Variants in NT5DC4 observed in about 807,000 individuals in gnomAD.
The protein encoded by NT5DC4 is 5'-nucleotidase domain containing 4.
NT5DC4 carries 44 observed loss-of-function variants against 26.6 expected under a neutral mutation model. That is an observed-to-expected ratio of 1.65 (90% CI 1.30 to 2.13). NT5DC4 has a LOEUF of 2.13. NT5DC4 is among the 30% of genes most tolerant of loss of function. NT5DC4 has a pLI of 0.00. For synonymous variants in NT5DC4, 157 were observed against 86.7 expected (o/e 1.81, Z -4.51); for missense variants, 399 against 228.1 (o/e 1.75, Z -4.83).
chr2:112,720,275 C>T (rs956191683), upstream of NT5DC4, among the ~76,000 whole-genome samples: 1 of 151,200 alleles, frequency 6.6e-6, no homozygotes, highest in Non-Finnish European at 1.5e-5. Context: ...CCATCTTGGC[C>T]AGGCTGGTCT....
downstream of NT5DC4, among the ~76,000 whole-genome samples, chr2:112,741,534 C>T (rs1214240734): frequency 6.6e-6 from 1 of 152,204 alleles, no homozygotes; most frequent in Non-Finnish European, 1.5e-5. Flanking sequence ...CAGACTGTGC[C>T]AGGCACACTG....
intron 16 of NT5DC4, among the ~76,000 whole-genome samples, chr2:112,734,169 A>ATGTGTGTGTGTG (rs59851361): frequency 0.025 from 3,324 of 134,840 alleles, 47 homozygotes; most frequent in Non-Finnish European, 0.035. Context: ...TATTATATAT[A>ATGTGTGTGTGTG]TGTGTGTGTG....
At chr2:112,720,516 G>A (rs532981553), upstream of NT5DC4, among the ~76,000 whole-genome samples, 58 of 152,312 alleles carry the variant, frequency 3.8e-4, no homozygotes, top group Middle Eastern at 6.8e-3. Context: ...AATGGCCCCA[G>A]TGGTTCTGCT....
Position 112,722,334 on chromosome 2 carries a change from T to G in NT5DC4, c.362+56T>G, listed in dbSNP as rs1676997339. 8.4e-6 allele frequency: 6 copies of G among 715,566 alleles called. No homozygotes were observed. The South Asian group carries it at 8.9e-5, about 11-fold the overall frequency. 44.3% of individuals were successfully genotyped at this position (715,566 alleles called of 1,614,324 possible). On this transcript the variant is annotated intron_variant, in intron 4 of 16. Transcript: ENST00000688554. The stretch of plus-strand genomic sequence containing the variant: ...GGCCAGGAGGGGAGGACTGCTCACC[T>G]TGGGGGAGGACAGAGGGAGGGAGGG...
At chr2:112,722,979 GC>G (rs34912983) in intron 6 of NT5DC4, 101 bp from the exon 7 acceptor site, 273,021 of 505,078 alleles carry the variant, frequency 0.54, 61,719 homozygotes, top group East Asian at 0.76. Context: ...CCCAGTGAAG[GC>G]CCCAGTGTGG....
At chr2:112,723,240 C>G in intron 7 of NT5DC4, 66 bp downstream of exon 7, 1 of 716,580 alleles carries the variant, frequency 1.4e-6, no homozygotes, top group Non-Finnish European at 2.6e-6. Context: ...GGGCAGCCTT[C>G]AGGCCTCCAG....
intron 8 of NT5DC4, 65 bp downstream of exon 8, chr2:112,723,533 C>G (rs1410207190): frequency 4.2e-6 from 3 of 709,052 alleles, no homozygotes; most frequent in South Asian, 1.5e-5. Context: ...CCCCCGCAAC[C>G]CTTCTCTGGC....
rs1444053300 is a variant in NT5DC4 at position 112,722,766 on chromosome 2, C to T, written c.522C>T (p.Tyr174=). The part of the protein sequence containing the change: ...LVDFFSGCSR[Y]TNCDTGYQHG... ...ACTTCTTCTCTGGCTGCTCCCGTTA[C>T]ACTAAGTGCGTCTTGTGCCCTGCCC... Residue 174 remains tyrosine (Y), a synonymous_variant, in exon 6 of 17, where the codon TAC becomes TAT. Transcript: ENST00000688554. 1.3e-5 allele frequency: 9 copies of T among 717,508 alleles called. No individual in the cohort carries two copies. The highest frequency in any genetic ancestry group is 1.1e-4 in the East Asian group (4 of 37,274). 44.4% of individuals were successfully genotyped at this position (717,508 alleles called of 1,614,324 possible). A position where few individuals can be genotyped will look rare whatever the true frequency, so the allele number is the denominator to read the frequency against.
chr2:112,721,626 ACT>A, intron 1 of NT5DC4, 190 bp from the exon 2 acceptor site: 1 of 717,098 alleles, frequency 1.4e-6, no homozygotes, highest in Non-Finnish European at 2.6e-6. Flanking sequence ...TTACATGCAC[ACT>A]CACACTTGCC....
chr2:112,726,205 A>C, intron 13 of NT5DC4, 33 bp from the exon 14 acceptor site: 1 of 716,916 alleles, frequency 1.4e-6, no homozygotes, highest in Non-Finnish European at 2.6e-6. Context: ...ACAGGCCGTC[A>C]CTCACCCCCA....
At chr2:112,733,621 G>A (rs1678735614) in intron 16 of NT5DC4, among the ~76,000 whole-genome samples, 1 of 152,272 alleles carries the variant, frequency 6.6e-6, no homozygotes, top group African/African-American at 2.4e-5. Flanking sequence ...CTGCCTCCAA[G>A]GGATGGTGGA....
At chr2:112,742,715 T>C (rs1322220932), downstream of NT5DC4, 6 of 1,599,612 alleles carry the variant, frequency 3.8e-6, no homozygotes, top group Non-Finnish European at 5.1e-6. Context: ...CCTTCTGTGG[T>C]TCTGTTTGAG....
chr2:112,719,279 G>A (rs544687799), upstream of NT5DC4, among the ~76,000 whole-genome samples: 55 of 152,350 alleles, frequency 3.6e-4, no homozygotes, highest in Non-Finnish European at 6.2e-4. Context: ...GGCATACGCA[G>A]TCCACTGTTG....
At position 112,738,947 on chromosome 2, in the gene NT5DC4, T is replaced by C. The variant is rs1558750120; in HGVS notation, c.*11T>C. 10 of 1,614,224 alleles carry C rather than the reference T, an allele frequency of 6.2e-6. No individual in the cohort carries two copies. The East Asian group carries it at 2.0e-4, about 32-fold the overall frequency. On this transcript the variant is annotated 3_prime_UTR_variant, in exon 17 of 17. Transcript: ENST00000688554. ...AGAAGCCACTACTAAATCGTGTTCCTGCAGCATTTCTGGGTAGCGGGACAC... is the reference window on the plus strand; with the variant it reads ...AGAAGCCACTACTAAATCGTGTTCCCGCAGCATTTCTGGGTAGCGGGACAC...
chr2:112,735,139 G>A (rs148497210), intron 16 of NT5DC4, among the ~76,000 whole-genome samples: 1 of 145,676 alleles, frequency 6.9e-6, no homozygotes, highest in African/African-American at 2.5e-5. Context: ...TGCCTCCCAG[G>A]TTCAAGCAGT....
chr2:112,723,007 G>A, intron 6 of NT5DC4, 74 bp from the exon 7 acceptor site: 1 of 662,202 alleles, frequency 1.5e-6, no homozygotes, highest in Non-Finnish European at 2.8e-6. Flanking sequence ...GGGTTGCTCT[G>A]GTGTGGGACT....
intron 16 of NT5DC4, chr2:112,738,416 GC>G (rs1399165826): frequency 5.6e-6 from 1 of 179,644 alleles, no homozygotes; most frequent in Non-Finnish European, 1.2e-5. Context: ...TGTCAAGCTA[GC>G]GTCAAAGTTC....
intron 16 of NT5DC4, among the ~76,000 whole-genome samples, chr2:112,735,272 G>T (rs924303761): frequency 6.6e-6 from 1 of 151,754 alleles, no homozygotes. Flanking sequence ...TCAAACTCCC[G>T]ACATCAAATG....
intron 16 of NT5DC4, chr2:112,737,874 T>C (rs1198563274): frequency 6.6e-6 from 1 of 152,230 alleles, no homozygotes; most frequent in Non-Finnish European, 1.5e-5. Context: ...AAGCAGGAAC[T>C]AATAGAAATT....
Sources: allele counts gnomAD v4.1 joint callset (sites outside exome capture counted in the v4.1 genomes callset), GRCh38; gene constraint gnomAD v4.1.1; transcripts MANE v1.5; gene names NCBI Gene and HGNC (gene_info 2026-07-23, HGNC 2026-07-21).